Variants in ZCWPW2 observed in about 807,000 individuals in gnomAD.
ZCWPW2 encodes the protein zinc finger CW-type PWWP domain protein 2.
In ZCWPW2, 45 loss-of-function variants were observed where a neutral mutation model predicts 46.6. The ratio of observed to expected loss-of-function variants is 0.96; its 90% confidence interval spans 0.76 to 1.24. The LOEUF (loss-of-function observed/expected upper bound fraction) is 1.24. ZCWPW2 is among the 50% of genes most tolerant of loss of function. The pLI is 0.00. For synonymous variants in ZCWPW2, 152 were observed against 137.1 expected (o/e 1.11, Z -0.76); for missense variants, 429 against 403.9 (o/e 1.06, Z -0.53).
At chr3:28,448,416 G>T (rs1366859140) in intron 4 of ZCWPW2, among the ~76,000 whole-genome samples, 2 of 152,034 alleles carry the variant, frequency 1.3e-5, no homozygotes, top group African/African-American at 4.8e-5. Context: ...CAAAACATTG[G>T]TGAACAAAGT....
At position 28,362,634 on chromosome 3, in the gene ZCWPW2, A is replaced by G. The variant is rs565141298; in HGVS notation, c.-134+13431A>G. 2.9e-3 allele frequency among the ~76,000 whole-genome samples: 449 copies of G among 152,318 alleles called. 2 individuals carry two copies. The highest frequency in any genetic ancestry group is 0.01 in the African/African-American group (430 of 41,570). ...TTATATACTGCTGGTGGGAGTGTAAATTAGTTCAACCATTGTGGAAAGTAG... is the reference window on the plus strand; with the variant it reads ...TTATATACTGCTGGTGGGAGTGTAAGTTAGTTCAACCATTGTGGAAAGTAG... On this transcript the variant is annotated intron_variant, in intron 1 of 9. Coordinates refer to ENST00000383768, the MANE Select transcript of ZCWPW2 (RefSeq NM_001040432.4).
At chr3:28,441,470 C>T (rs1697755981) in intron 4 of ZCWPW2, among the ~76,000 whole-genome samples, 1 of 152,178 alleles carries the variant, frequency 6.6e-6, no homozygotes, top group Non-Finnish European at 1.5e-5. Context: ...CACAACTCTC[C>T]TTCAGGGATG....
At chr3:28,368,383 G>T (rs1011221212) in intron 1 of ZCWPW2, among the ~76,000 whole-genome samples, 1 of 152,064 alleles carries the variant, frequency 6.6e-6, no homozygotes, top group African/African-American at 2.4e-5. Context: ...ACATTTGCTT[G>T]TCTGTAAATA....
chr3:28,361,370 A>C (rs956303821), intron 1 of ZCWPW2, among the ~76,000 whole-genome samples: 3 of 152,182 alleles, frequency 2.0e-5, no homozygotes, highest in Non-Finnish European at 2.9e-5. Context: ...CATACACAAA[A>C]ATTGACTCAA....
At chr3:28,393,754 C>G (rs1695585726) in intron 2 of ZCWPW2, among the ~76,000 whole-genome samples, 1 of 151,978 alleles carries the variant, frequency 6.6e-6, no homozygotes, top group Non-Finnish European at 1.5e-5. Flanking sequence ...ATGATAAAAA[C>G]TCTTAACAAA....
intron 6 of ZCWPW2, among the ~76,000 whole-genome samples, chr3:28,507,734 TTTAA>T (rs1304505165): frequency 6.6e-6 from 1 of 152,222 alleles, no homozygotes; most frequent in African/African-American, 2.4e-5. Flanking sequence ...ATATTTATTC[TTTAA>T]TTATTCAATG....
At chr3:28,411,766 T>C (rs899746217) in intron 2 of ZCWPW2, among the ~76,000 whole-genome samples, 2 of 152,112 alleles carry the variant, frequency 1.3e-5, no homozygotes, top group Admixed American at 6.6e-5. Flanking sequence ...CATTTTCTCA[T>C]CAATTAAAGA....
At chr3:28,400,023 A>T (rs1695859671) in intron 2 of ZCWPW2, among the ~76,000 whole-genome samples, 1 of 151,412 alleles carries the variant, frequency 6.6e-6, no homozygotes, top group African/African-American at 2.4e-5. Flanking sequence ...GTAAGGAAAT[A>T]AAAAAAAATG....
At chr3:28,380,945 T>TG (rs1695032112) in intron 1 of ZCWPW2, among the ~76,000 whole-genome samples, 1 of 33,384 alleles carries the variant, frequency 3.0e-5, no homozygotes, top group African/African-American at 1.5e-4. Flanking sequence ...TATATATATA[T>TG]ATATATATAT....
Position 28,394,109 on chromosome 3 carries a change from A to G in ZCWPW2, c.-14+3492A>G, listed in dbSNP as rs1695601857. 2.0e-5 allele frequency among the ~76,000 whole-genome samples: 3 copies of G among 152,142 alleles called. No individual in the cohort carries two copies. In the South Asian group the frequency reaches 6.2e-4, roughly 31 times the overall value. On this transcript the variant is annotated intron_variant, in intron 2 of 9. Transcript: ENST00000383768. The stretch of plus-strand genomic sequence containing the variant: ...AGGTTATAAAATAAATATAAAAATT[A>G]GTTATGTTTTTGTACACTAACAAGA...
At chr3:28,467,600 G>C (rs1458636062) in intron 4 of ZCWPW2, among the ~76,000 whole-genome samples, 1 of 152,164 alleles carries the variant, frequency 6.6e-6, no homozygotes, top group African/African-American at 2.4e-5. Flanking sequence ...GTGGCCACAA[G>C]GGTGCTTGTG....
intron 4 of ZCWPW2, among the ~76,000 whole-genome samples, chr3:28,462,019 G>A (rs998229957): frequency 3.3e-5 from 5 of 152,062 alleles, no homozygotes; most frequent in South Asian, 2.1e-4. Flanking sequence ...CTTTTACTGC[G>A]AAAAGTAGTC....
intron 1 of ZCWPW2, among the ~76,000 whole-genome samples, chr3:28,383,460 C>T (rs1429181950): frequency 6.6e-6 from 1 of 151,968 alleles, no homozygotes; most frequent in Non-Finnish European, 1.5e-5. Flanking sequence ...CACTGAAAAC[C>T]TGCACAATGC....
rs111478059 is a variant in ZCWPW2 at position 28,413,493 on chromosome 3, T to G, written c.332+93T>G. The G allele has an allele frequency of 1.5e-3, 1,613 of 1,107,998 alleles. 25 individuals carry two copies. In the African/African-American group the frequency reaches 0.022, roughly 15 times the overall value. 68.6% of individuals were successfully genotyped at this position (1,107,998 alleles called of 1,614,324 possible). A position where few individuals can be genotyped will look rare whatever the true frequency, so the allele number is the denominator to read the frequency against. The stretch of plus-strand genomic sequence containing the variant: ...TTTTGAAGACTAAACATTTTTCTTT[T>G]GTCTACTTGTTTCTTGATTTATCAT... On this transcript the variant is annotated intron_variant, in intron 3 of 9. Transcript: ENST00000383768.
At chr3:28,436,323 C>CTTTTTTTTTTTTTT (rs71087698) in intron 4 of ZCWPW2, among the ~76,000 whole-genome samples, 5 of 116,836 alleles carry the variant, frequency 4.3e-5, no homozygotes, top group Admixed American at 1.0e-4. Context: ...TCTTTTTTTT[C>CTTTTTTTTTTTTTT]TTTTTTTTTT....
At chr3:28,455,390 T>C (rs776725351) in intron 4 of ZCWPW2, among the ~76,000 whole-genome samples, 1 of 152,242 alleles carries the variant, frequency 6.6e-6, no homozygotes, top group Non-Finnish European at 1.5e-5. Flanking sequence ...ATTAGACTTT[T>C]GTCTGATGAA....
chr3:28,434,306 G>A (rs934316798), intron 3 of ZCWPW2, among the ~76,000 whole-genome samples: 1 of 151,804 alleles, frequency 6.6e-6, no homozygotes, highest in Non-Finnish European at 1.5e-5. Flanking sequence ...GCTTATCAGG[G>A]GTGTTAATGA....
chr3:28,470,679 A>T (rs887032309), intron 4 of ZCWPW2, among the ~76,000 whole-genome samples: 1 of 152,114 alleles, frequency 6.6e-6, no homozygotes, highest in Non-Finnish European at 1.5e-5. Context: ...TACATTGTAA[A>T]GTACTAAAAA....
At chr3:28,382,398 T>C (rs1332203014) in intron 1 of ZCWPW2, among the ~76,000 whole-genome samples, 2 of 152,120 alleles carry the variant, frequency 1.3e-5, no homozygotes, top group African/African-American at 4.8e-5. Flanking sequence ...CCAAGGACAC[T>C]AGACATATTG....
Sources: allele counts gnomAD v4.1 joint callset (sites outside exome capture counted in the v4.1 genomes callset), GRCh38; gene constraint gnomAD v4.1.1; transcripts MANE v1.5; gene names NCBI Gene and HGNC (gene_info 2026-07-23, HGNC 2026-07-21).